Variants in STAT3 observed in about 807,000 individuals in gnomAD.
The protein encoded by STAT3 is DNA-binding protein APRF.
In STAT3, 7 loss-of-function variants were observed where a neutral mutation model predicts 114.3. That is an observed-to-expected ratio of 0.06 (90% CI 0.03 to 0.11). The LOEUF (loss-of-function observed/expected upper bound fraction) is 0.11. Ranked by LOEUF, STAT3 falls within the 10% of genes least tolerant of loss-of-function variation. STAT3 has a pLI of 1.00. For missense variants in STAT3, 364 were observed against 960.9 expected (o/e 0.38, Z 8.21); for synonymous variants, 331 against 354.5 (o/e 0.93, Z 0.74).
intron 3 of STAT3, 32 bp downstream of exon 3, chr17:42,346,537 T>C: frequency 6.2e-7 from 1 of 1,614,012 alleles, no homozygotes; most frequent in Non-Finnish European, 8.5e-7. Flanking sequence ...CTGCGGGTCC[T>C]GTTTCTCCTT....
At chr17:42,357,895 G>T (rs2083304881) in intron 1 of STAT3, among the ~76,000 whole-genome samples, 1 of 152,032 alleles carries the variant, frequency 6.6e-6, no homozygotes. Context: ...GCAATAAGAA[G>T]TCTATATATA....
intron 2 of STAT3, 58 bp downstream of exon 2, chr17:42,348,331 T>G: frequency 6.2e-7 from 1 of 1,607,900 alleles, no homozygotes; most frequent in South Asian, 1.1e-5. Context: ...TAAGAGTTCA[T>G]GTCTCTTGAC....
rs1343474345 is a variant in STAT3, at chr17:42,357,371, CAG to C, written c.-23-8834_-23-8833del. Among the ~76,000 whole-genome samples the C allele has an allele frequency of 2.0e-5, 3 of 152,250 alleles. No homozygotes were observed. The East Asian group carries it at 5.8e-4, about 29-fold the overall frequency. ...ACAGGATAAACAGCATAATGGATGA[CAG>C]AGAGTCCACATTAAAATACTGTAGG... On this transcript the variant is annotated intron_variant, in intron 1 of 23. Coordinates refer to ENST00000264657, the MANE Select transcript of STAT3 (RefSeq NM_139276.3).
intron 1 of STAT3, among the ~76,000 whole-genome samples, chr17:42,369,207 A>T (rs1433933215): frequency 6.6e-6 from 1 of 152,084 alleles, no homozygotes; most frequent in African/African-American, 2.4e-5. Context: ...GAAATACAAA[A>T]ATTAGCCAGG....
intron 21 of STAT3, among the ~76,000 whole-genome samples, chr17:42,320,783 A>G (rs2081441210): frequency 6.6e-6 from 1 of 151,908 alleles, no homozygotes; most frequent in African/African-American, 2.4e-5. Context: ...AGAAAGTTAA[A>G]TCAAACAAAG....
At chr17:42,362,925 CTTCT>C (rs1567745064) in intron 1 of STAT3, among the ~76,000 whole-genome samples, 1 of 152,184 alleles carries the variant, frequency 6.6e-6, no homozygotes, top group Non-Finnish European at 1.5e-5. Context: ...ACATGCCTTC[CTTCT>C]ATCACCATCA....
Position 42,315,761 on chromosome 17 carries a change from G to A in STAT3, c.2297C>T (p.Ala766Val), listed in dbSNP as rs948537906. The change falls in exon 24 of 24, where the codon GCT (alanine) becomes GTT (valine). Residue 766 changes from alanine (A) to valine (V), a missense_variant. Physicochemically the swap from Ala to Val is moderately conservative, Grantham distance 64 (BLOSUM62 0). Around this residue, in one of 5 missense-constraint regions of STAT3, gnomAD observed 37 missense variants for 66.5 expected, o/e 0.56. Coordinates refer to ENST00000264657, the MANE Select transcript of STAT3 (RefSeq NM_139276.3). ...TFDMELTSEC[A>V]TSPM ...CTCAGCTCCTCACATGGGGGAGGTA[G>A]CGCACTCCGAGGTCAACTCCATGTC... 1.9e-6 allele frequency: 3 copies of A among 1,614,078 alleles called. No homozygotes were observed. The highest frequency in any genetic ancestry group is 2.5e-6 in the Non-Finnish European group (3 of 1,179,998).
intron 2 of STAT3, 104 bp downstream of exon 2, chr17:42,348,285 C>T (rs12946502): frequency 6.6e-7 from 1 of 1,504,554 alleles, no homozygotes; most frequent in South Asian, 1.1e-5. Context: ...TCACCTGTAC[C>T]CATACATTTT....
chr17:42,325,117 A>G (rs1490908694), intron 15 of STAT3, 56 bp from the exon 16 acceptor site: 2 of 1,529,600 alleles, frequency 1.3e-6, no homozygotes, highest in African/African-American at 1.4e-5. Context: ...ACAGCCTTGG[A>G]AATCTCTTCA....
intron 17 of STAT3, 50 bp from the exon 18 acceptor site, chr17:42,323,675 G>A: frequency 3.8e-6 from 6 of 1,577,376 alleles, no homozygotes; most frequent in Non-Finnish European, 5.2e-6. Context: ...TTGGGGTCAA[G>A]AGGTTATTTC....
At chr17:42,325,531 C>T (rs1449033853) in intron 15 of STAT3, among the ~76,000 whole-genome samples, 4 of 151,940 alleles carry the variant, frequency 2.6e-5, no homozygotes, top group African/African-American at 9.7e-5. Context: ...GCTGCTAAGA[C>T]TCTTATGCCC....
intron 1 of STAT3, among the ~76,000 whole-genome samples, chr17:42,365,639 G>GTTT (rs11440924): frequency 2.9e-5 from 4 of 139,078 alleles, no homozygotes; most frequent in Non-Finnish European, 3.1e-5. Flanking sequence ...TGCTGTTAAA[G>GTTT]TTTTTTTTTT....
chr17:42,387,063 A>G (rs976632076), intron 1 of STAT3: 4 of 152,246 alleles, frequency 2.6e-5, no homozygotes, highest in African/African-American at 9.6e-5. Flanking sequence ...TTCAAGCCCA[A>G]TGCTTTATCA....
chr17:42,326,614 C>T (rs1352635395), intron 14 of STAT3, among the ~76,000 whole-genome samples: 3 of 152,054 alleles, frequency 2.0e-5, no homozygotes, highest in Non-Finnish European at 4.4e-5. Flanking sequence ...GTCAGGAGTT[C>T]GAGACCAGCC....
In STAT3 at chr17:42,325,054, G is replaced by T. The variant is rs2081646284; in HGVS notation, c.1373C>A (p.Ser458Tyr). The change falls in exon 16 of 24, where the codon TCC (serine) becomes TAC (tyrosine). Residue 458 changes from serine to tyrosine, a missense_variant. By Grantham distance (144) the Ser-to-Tyr change is moderately radical. Around this residue, in one of 5 missense-constraint regions of STAT3, gnomAD observed 294 missense variants for 745.1 expected, o/e 0.39. Coordinates refer to ENST00000264657, the MANE Select transcript of STAT3 (RefSeq NM_139276.3). ...GTTGGAGATCACCACAACTGGCAAG[G>T]AGTGGGTCTGCGGAGGGAGTGGGGA... ...QGLKIDLETH[S>Y]LPVVVISNIC... 1 of 1,613,874 alleles carries T rather than the reference G, an allele frequency of 6.2e-7. No homozygotes were observed. The highest frequency in any genetic ancestry group is 8.5e-7 in the Non-Finnish European group (1 of 1,179,914).
intron 2 of STAT3, among the ~76,000 whole-genome samples, chr17:42,347,015 G>A (rs1236338448): frequency 6.6e-6 from 1 of 151,532 alleles, no homozygotes; most frequent in South Asian, 2.1e-4. Flanking sequence ...ATGGTGAAAC[G>A]CTGTCTCTAC....
At chr17:42,334,112 G>C in intron 8 of STAT3, 63 bp from the exon 9 acceptor site, 10 of 1,597,604 alleles carry the variant, frequency 6.3e-6, no homozygotes, top group South Asian at 1.1e-5. Flanking sequence ...AGATGGAGAA[G>C]GGGAAGGAAA....
intron 2 of STAT3, 24 bp from the exon 3 acceptor site, chr17:42,346,737 G>A: frequency 6.2e-7 from 1 of 1,613,984 alleles, no homozygotes; most frequent in Non-Finnish European, 8.5e-7. Context: ...GAATGATAAA[G>A]AATGGCTCTG....
intron 1 of STAT3, among the ~76,000 whole-genome samples, chr17:42,381,997 C>T (rs1385510147): frequency 6.6e-6 from 1 of 152,142 alleles, no homozygotes; most frequent in Non-Finnish European, 1.5e-5. Flanking sequence ...CTCCTTTCCC[C>T]TTGGTTTAGT....
Sources: allele counts gnomAD v4.1 joint callset (sites outside exome capture counted in the v4.1 genomes callset), GRCh38; gene constraint gnomAD v4.1.1; regional missense constraint gnomAD v4.1.1; transcripts MANE v1.5; gene names NCBI Gene and HGNC (gene_info 2026-07-23, HGNC 2026-07-21).